The following RBBP9 variants were observed in gnomAD, a reference collection of about 807,000 sequenced individuals.
The protein encoded by RBBP9 is RB binding protein 9, serine hydrolase, also known as serine hydrolase RBBP9.
A neutral mutation model predicts 24.2 loss-of-function variants in RBBP9; 20 were observed. That is an observed-to-expected ratio of 0.83 (90% CI 0.58 to 1.20). The LOEUF (loss-of-function observed/expected upper bound fraction) is 1.20, where lower values mean the gene tolerates loss of function less well. Ranked by LOEUF, RBBP9 falls within the 50% of genes most tolerant of loss-of-function variation. The pLI is 0.00. For missense variants in RBBP9, 234 were observed against 233.6 expected (o/e 1.00, Z -0.01); for synonymous variants, 74 against 84.6 (o/e 0.87, Z 0.69).
chr20:18,490,419 C>T lies in RBBP9; in HGVS notation c.310G>A (p.Gly104Arg). 6.2e-7 allele frequency: 1 copy of T among 1,613,834 alleles called. No homozygotes were observed. Residue 104 changes from glycine (G) to arginine (R), a missense_variant, in exon 4 of 5, where the codon GGG becomes AGG. By Grantham distance (125) the Gly-to-Arg change is moderately radical. Coordinates refer to ENST00000337227, the MANE Select transcript of RBBP9 (RefSeq NM_006606.3). Reference sequence around the variant, plus strand: ...CCACTTGCACGCTCATTTTCATCCCCCAAGTCTGATGTGTACGCAGACACT... The same window carrying T: ...CCACTTGCACGCTCATTTTCATCCCTCAAGTCTGATGTGTACGCAGACACT... The part of the protein sequence containing the change: ...VLVSAYTSDL[G>R]DENERASGYF...
rs2059855931 is a variant in RBBP9, at chr20:18,489,414, G to A, written c.*350C>T. 1 of 166,600 alleles carries A rather than the reference G, an allele frequency of 6.0e-6. No individual in the cohort carries two copies. Among genetic ancestry groups the A allele is most frequent in the South Asian group, 1.9e-4 (1 of 5,286 alleles). The allele number at this position is 166,600 out of a possible 1,614,324, so 10.3% of individuals were successfully genotyped here. A position where few individuals can be genotyped will look rare whatever the true frequency, so the allele number is the denominator to read the frequency against. ...AAGTTTGATTTCAAAGAGGAAAAGT[G>A]TGCAATACCTGCAACATACATAAAA... On this transcript the variant is annotated 3_prime_UTR_variant, in exon 5 of 5. Coordinates refer to ENST00000337227, the MANE Select transcript of RBBP9 (RefSeq NM_006606.3).
intron 3 of RBBP9, 105 bp from the exon 4 acceptor site, chr20:18,490,585 CGT>C (rs2059861521): frequency 1.4e-6 from 1 of 739,484 alleles, no homozygotes; most frequent in Non-Finnish European, 2.3e-6. Flanking sequence ...ACAGAAAGCA[CGT>C]GCTACCTGCT....
chr20:18,494,103 G>T, intron 2 of RBBP9, 40 bp from the exon 3 acceptor site: 1 of 1,525,926 alleles, frequency 6.6e-7, no homozygotes, highest in Non-Finnish European at 9.1e-7. Flanking sequence ...TCATTTGATA[G>T]TGGCAGTCTG....
At chr20:18,494,282 CTTTT>C (rs34967358) in intron 2 of RBBP9, among the ~76,000 whole-genome samples, 11 of 122,112 alleles carry the variant, frequency 9.0e-5, no homozygotes, top group Non-Finnish European at 1.6e-4. Flanking sequence ...TTTCTTTTCT[CTTTT>C]TTTTTTTTTT....
intron 3 of RBBP9, among the ~76,000 whole-genome samples, chr20:18,491,738 T>C (rs946434000): frequency 2.6e-5 from 4 of 152,172 alleles, no homozygotes; most frequent in African/African-American, 9.7e-5. Context: ...GGTATTTTGT[T>C]CTTGGGCCTG....
chr20:18,491,762 A>G (rs1324598132), intron 3 of RBBP9, among the ~76,000 whole-genome samples: 1 of 152,074 alleles, frequency 6.6e-6, no homozygotes, highest in Non-Finnish European at 1.5e-5. Flanking sequence ...TTTTTTCCCC[A>G]TTTATTTTGA....
Position 18,490,484 on chromosome 20 carries a change from G to A in RBBP9, c.249-4C>T, listed in dbSNP as rs1417652765. ...TACTCGATGTGTTTCTGCATACCTGGAGAAACAAAAATGATGTCAGCTAAT... is the reference window on the plus strand; with the variant it reads ...TACTCGATGTGTTTCTGCATACCTGAAGAAACAAAAATGATGTCAGCTAAT... On this transcript the variant is annotated splice_polypyrimidine_tract_variant and splice_region_variant and intron_variant, in intron 3 of 4. Coordinates refer to ENST00000337227, the MANE Select transcript of RBBP9 (RefSeq NM_006606.3). 1.2e-6 allele frequency: 2 copies of A among 1,600,672 alleles called. No individual in the cohort carries two copies. Among genetic ancestry groups the A allele is most frequent in the African/African-American group, 2.7e-5 (2 of 74,530 alleles).
At chr20:18,492,535 A>G (rs2059870137) in intron 3 of RBBP9, among the ~76,000 whole-genome samples, 1 of 152,192 alleles carries the variant, frequency 6.6e-6, no homozygotes, top group Admixed American at 6.5e-5. Flanking sequence ...ATGCCATTAC[A>G]TCAGGGGACA....
intron 3 of RBBP9, among the ~76,000 whole-genome samples, chr20:18,490,979 A>G (rs17734179): frequency 0.17 from 26,442 of 152,144 alleles, 2,964 homozygotes; most frequent in Non-Finnish European, 0.25. Flanking sequence ...ACGCCCAGCC[A>G]CTACCCATTT....
In RBBP9 at chr20:18,489,677, T is replaced by C. The variant is rs1451445315; in HGVS notation, c.*87A>G. On this transcript the variant is annotated 3_prime_UTR_variant, in exon 5 of 5. Transcript: ENST00000337227. ...TTTTCAGGCACTTACGGAACTTAAC[T>C]GGATGTTCTATGTGTCTAGTAATCA... 1.0e-5 allele frequency: 9 copies of C among 860,824 alleles called. No individual in the cohort carries two copies. Among genetic ancestry groups the C allele is most frequent in the Non-Finnish European group, 1.4e-5 (8 of 551,852 alleles). The allele number at this position is 860,824 out of a possible 1,614,324, so 53.3% of individuals were successfully genotyped here.
intron 1 of RBBP9, 125 bp downstream of exon 1, chr20:18,496,944 G>A: frequency 1.4e-6 from 1 of 737,022 alleles, no homozygotes; most frequent in Middle Eastern, 2.4e-4. Flanking sequence ...GCGGGGGAGA[G>A]GCAGGAAAAC....
rs746932582 is a variant in RBBP9, at chr20:18,489,900, G to C, written c.425C>G (p.Pro142Arg). 3 of 1,613,958 alleles carry C rather than the reference G, an allele frequency of 1.9e-6. No individual in the cohort carries two copies. ...QFGSTDDPFL[P>R]WKEQQEVADR... ...GGCCACTTCTTGTTGTTCCTTCCAG[G>C]GAAGGAACGGGTCGTCAGTAGAGCC... is the stretch of plus-strand genomic sequence containing the variant. Residue 142 changes from proline (P) to arginine (R), a missense_variant, in exon 5 of 5, where the codon CCC becomes CGC. By Grantham distance (103) the Pro-to-Arg change is moderately radical. Coordinates refer to ENST00000337227, the MANE Select transcript of RBBP9 (RefSeq NM_006606.3).
In RBBP9 at chr20:18,489,944, G is replaced by A. The variant is rs1197639365; in HGVS notation, c.381C>T (p.Cys127=). 3 of 1,610,638 alleles carry A rather than the reference G, an allele frequency of 1.9e-6. No homozygotes were observed. The highest frequency in any genetic ancestry group is 3.3e-5 in the Admixed American group (2 of 59,966). ...PWQWEKIKAN[C]PYIVQFGSTD... is the part of the protein sequence containing the mutation. ...TAGAGCCAAACTGCACAATGTAAGG[G>A]CAGTTGGCCTTGATCTTCTCCCACT... The change falls in exon 5 of 5, where the codon TGC becomes TGT. Residue 127 remains cysteine (C), a synonymous_variant. Transcript: ENST00000337227.
At chr20:18,495,741 T>C in intron 2 of RBBP9, 97 bp downstream of exon 2, 2 of 1,231,842 alleles carry the variant, frequency 1.6e-6, no homozygotes, top group East Asian at 4.8e-5. Context: ...TAGGCATCTT[T>C]GGTTCCTCCA....
intron 2 of RBBP9, among the ~76,000 whole-genome samples, chr20:18,494,659 C>A (rs565591208): frequency 8.2e-4 from 124 of 151,712 alleles, no homozygotes; most frequent in Non-Finnish European, 1.6e-3. Context: ...CTGGCCTGGG[C>A]AACAGAGCGA....
chr20:18,495,796 C>A, intron 2 of RBBP9, 42 bp downstream of exon 2: 1 of 1,521,980 alleles, frequency 6.6e-7, no homozygotes, highest in Non-Finnish European at 9.1e-7. Flanking sequence ...AATATCAAAA[C>A]CCAACAAGAT....
At position 18,490,519 on chromosome 20, in the gene RBBP9, T is replaced by C. The variant is rs754731821; in HGVS notation, c.249-39A>G. The C allele has an allele frequency of 2.0e-6, 3 of 1,470,730 alleles. No homozygotes were observed. The East Asian group carries it at 6.8e-5, about 33-fold the overall frequency. 91.1% of individuals were successfully genotyped at this position (1,470,730 alleles called of 1,614,324 possible). On this transcript the variant is annotated intron_variant, in intron 3 of 4. Transcript: ENST00000337227. Reference sequence around the variant, plus strand: ...AATGATGTCAGCTAATATATAATGTTACCTCTGATCACCAAAAAGTCAATA... The same window carrying C: ...AATGATGTCAGCTAATATATAATGTCACCTCTGATCACCAAAAAGTCAATA...
intron 3 of RBBP9, 27 bp from the exon 4 acceptor site, chr20:18,490,507 A>C (rs750424174): frequency 6.6e-7 from 1 of 1,526,506 alleles, no homozygotes; most frequent in Non-Finnish European, 9.1e-7. Context: ...GATGTCAGCT[A>C]ATATATAATG....
At chr20:18,490,021 C>G (rs746539455) in intron 4 of RBBP9, 31 bp from the exon 5 acceptor site, 1 of 1,431,752 alleles carries the variant, frequency 7.0e-7, no homozygotes, top group South Asian at 1.2e-5. Flanking sequence ...TCTTTCAGTA[C>G]CCATGGATAA....
Sources: gnomAD v4.1 joint callset for allele counts (sites outside exome capture counted in the v4.1 genomes callset) on GRCh38, gnomAD v4.1.1 for gene constraint, MANE v1.5 for transcripts, NCBI Gene and HGNC (gene_info 2026-07-23, HGNC 2026-07-21) for gene names.